CEMIP: variants seen among roughly 807,000 people sequenced by gnomAD.
CEMIP encodes the protein cell migration-inducing and hyaluronan-binding protein.
Under a neutral mutation model 156.9 loss-of-function variants are expected in CEMIP, and 105 were observed. The observed-to-expected ratio is 0.67, with a 90% CI of 0.57 to 0.79. CEMIP has a LOEUF of 0.79. Ranked by LOEUF, CEMIP falls within the 30% of genes least tolerant of loss-of-function variation. The pLI is 0.00. For synonymous variants in CEMIP, 676 were observed against 668.4 expected (o/e 1.01, Z -0.17); for missense variants, 1,457 against 1,769.4 (o/e 0.82, Z 3.17).
intron 1 of CEMIP, among the ~76,000 whole-genome samples, chr15:80,863,379 T>C (rs982065296): frequency 7.2e-5 from 11 of 152,176 alleles, no homozygotes; most frequent in African/African-American, 2.7e-4. Flanking sequence ...GCAGCCTTGG[T>C]GTGCCAAGCT....
chr15:80,788,471 CAAAAA>C (rs11320710), intron 1 of CEMIP, among the ~76,000 whole-genome samples: 2 of 79,344 alleles, frequency 2.5e-5, no homozygotes, highest in South Asian at 4.9e-4. Context: ...AACTCCATCT[CAAAAA>C]AAAAAAAAAA....
intron 1 of CEMIP, among the ~76,000 whole-genome samples, chr15:80,826,683 TG>T (rs985540324): frequency 6.6e-6 from 1 of 152,172 alleles, no homozygotes; most frequent in African/African-American, 2.4e-5. Flanking sequence ...GTGCCAGACT[TG>T]GGGCAGAGGC....
intron 1 of CEMIP, among the ~76,000 whole-genome samples, chr15:80,809,565 G>A (rs1463363182): frequency 6.6e-6 from 1 of 152,202 alleles, no homozygotes; most frequent in African/African-American, 2.4e-5. Flanking sequence ...ACACCAAGTT[G>A]TTAGTTCACA....
At chr15:80,894,510 C>G (rs1899142713) in intron 10 of CEMIP, among the ~76,000 whole-genome samples, 1 of 152,304 alleles carries the variant, frequency 6.6e-6, no homozygotes, top group East Asian at 1.9e-4. Context: ...GATGTCCATG[C>G]TGCACCCCAG....
At chr15:80,838,716 T>C (rs1390034293) in intron 1 of CEMIP, among the ~76,000 whole-genome samples, 2 of 152,188 alleles carry the variant, frequency 1.3e-5, no homozygotes, top group African/African-American at 4.8e-5. Flanking sequence ...TGGCAACCAC[T>C]ATTGACACAG....
rs12911657 is a variant in CEMIP at position 80,858,391 on chromosome 15, C to T, written c.-175-15147C>T. Among the ~76,000 whole-genome samples the T allele has an allele frequency of 4.8e-3, 729 of 152,200 alleles. 3 individuals are homozygous for T. The highest frequency in any genetic ancestry group is 6.6e-3 in the Non-Finnish European group (450 of 67,996). ...TGTAAGGCCTCATTAATTAAATAAA[C>T]GCTTTATGAGAGCAAAAAGACTTGG... On this transcript the variant is annotated intron_variant, in intron 1 of 29. Coordinates refer to ENST00000394685, the MANE Select transcript of CEMIP (RefSeq NM_001293298.2).
intron 1 of CEMIP, among the ~76,000 whole-genome samples, chr15:80,802,274 A>C (rs1896396791): frequency 6.6e-6 from 1 of 152,224 alleles, no homozygotes. Flanking sequence ...CGGGAAAGGG[A>C]CATATGTACA....
chr15:80,920,017 T>C (rs1026614767), intron 14 of CEMIP, 77 bp from the exon 15 acceptor site: 15 of 1,303,146 alleles, frequency 1.2e-5, no homozygotes, highest in Non-Finnish European at 1.6e-5. Flanking sequence ...TGAGACTATT[T>C]AGTGTTTGCT....
intron 14 of CEMIP, chr15:80,909,847 T>G (rs1899976679): frequency 8.6e-6 from 3 of 349,280 alleles, no homozygotes; most frequent in African/African-American, 2.1e-5. Flanking sequence ...TTGACCTTTC[T>G]CGAAGTGAAC....
chr15:80,855,082 G>C (rs958072974), intron 1 of CEMIP, among the ~76,000 whole-genome samples: 1 of 152,208 alleles, frequency 6.6e-6, no homozygotes, highest in Non-Finnish European at 1.5e-5. Context: ...AGCCACTCAG[G>C]TGGCTGAGAT....
chr15:80,802,181 C>T (rs1896393512), intron 1 of CEMIP, among the ~76,000 whole-genome samples: 1 of 152,186 alleles, frequency 6.6e-6, no homozygotes, highest in African/African-American at 2.4e-5. Context: ...CTCTGAGTAA[C>T]AAGGCACAGT....
At chr15:80,852,149 G>C (rs1439244135) in intron 1 of CEMIP, among the ~76,000 whole-genome samples, 1 of 152,186 alleles carries the variant, frequency 6.6e-6, no homozygotes, top group Non-Finnish European at 1.5e-5. Flanking sequence ...TTTGTTCCTT[G>C]GAACAGCAGA....
chr15:80,885,626 G>A (rs1204808734), intron 7 of CEMIP, among the ~76,000 whole-genome samples: 1 of 152,232 alleles, frequency 6.6e-6, no homozygotes, highest in East Asian at 1.9e-4. Flanking sequence ...GCCTGAGTTT[G>A]AGTCTGGGTT....
chr15:80,798,247 G>T (rs536351794), intron 1 of CEMIP, among the ~76,000 whole-genome samples: 1 of 152,040 alleles, frequency 6.6e-6, no homozygotes, highest in Non-Finnish European at 1.5e-5. Context: ...TTTACATAAC[G>T]TTGATAGAAT....
intron 19 of CEMIP, among the ~76,000 whole-genome samples, chr15:80,926,328 C>T (rs750882528): frequency 6.6e-6 from 1 of 152,166 alleles, no homozygotes; most frequent in Non-Finnish European, 1.5e-5. Flanking sequence ...GTGACTGGCA[C>T]ATGCTGGACA....
At chr15:80,940,507 C>CG (rs1567111502) in intron 25 of CEMIP, among the ~76,000 whole-genome samples, 1 of 152,134 alleles carries the variant, frequency 6.6e-6, no homozygotes, top group Non-Finnish European at 1.5e-5. Context: ...CTGCTCAAAG[C>CG]GGGTGCTCAC....
chr15:80,810,054 T>C (rs1896620728), intron 1 of CEMIP, among the ~76,000 whole-genome samples: 1 of 152,140 alleles, frequency 6.6e-6, no homozygotes, highest in African/African-American at 2.4e-5. Context: ...AGTGTTTGAT[T>C]GGGTAACTGT....
Position 80,887,738 on chromosome 15 carries a change from C to T in CEMIP, c.842C>T (p.Ser281Leu). The T allele has an allele frequency of 1.2e-6, 2 of 1,613,516 alleles. No individual in the cohort carries two copies. Among genetic ancestry groups the T allele is most frequent in the Non-Finnish European group, 1.7e-6 (2 of 1,179,800 alleles). The change falls in exon 8 of 30, where the codon TCA (serine) becomes TTA (leucine). Residue 281 changes from serine (S) to leucine (L), a missense_variant. Coordinates refer to ENST00000394685, the MANE Select transcript of CEMIP (RefSeq NM_001293298.2). ...ACTGTGAAAGGAAATCCATCATCTT[C>T]AGTGGAAGACCATATTGAATATCAT... ...FLTVKGNPSS[S>L]VEDHIEYHGH...
intron 1 of CEMIP, among the ~76,000 whole-genome samples, chr15:80,788,489 A>AGG (rs1220419887): frequency 1.3e-4 from 20 of 150,762 alleles, no homozygotes; most frequent in Non-Finnish European, 2.8e-4. Flanking sequence ...AAAAAAAAGA[A>AGG]AAAAGAAAAA....
Sources: gnomAD v4.1 joint callset for allele counts (sites outside exome capture counted in the v4.1 genomes callset) on GRCh38, gnomAD v4.1.1 for gene constraint, MANE v1.5 for transcripts, NCBI Gene and HGNC (gene_info 2026-07-23, HGNC 2026-07-21) for gene names.